The following AOPEP variants were observed in gnomAD, a reference collection of about 807,000 sequenced individuals.
AOPEP encodes aminopeptidase O.
A neutral mutation model predicts 98.1 loss-of-function variants in AOPEP; 77 were observed. The observed-to-expected ratio is 0.78, with a 90% confidence interval of 0.65 to 0.95. AOPEP has a LOEUF of 0.95. Among genes scored for constraint, AOPEP ranks in the 40% least tolerant of loss-of-function variants. The probability of loss-of-function intolerance (pLI) is 0.00; values close to 1 mark genes in which losing one functional copy is unlikely to be tolerated. For synonymous variants in AOPEP, 346 were observed against 365.3 expected (o/e 0.95, Z 0.60); for missense variants, 1,024 against 1,024.7 (o/e 1.00, Z 0.01).
At chr9:94,732,316 T>C (rs12340251) in intron 1 of AOPEP, among the ~76,000 whole-genome samples, 33,025 of 151,764 alleles carry the variant, frequency 0.22, 5,067 homozygotes, top group African/African-American at 0.43. Context: ...TGGGTACTAA[T>C]TCCCATCTCT....
intron 13 of AOPEP, among the ~76,000 whole-genome samples, chr9:95,040,634 C>G (rs2065206742): frequency 6.6e-6 from 1 of 152,232 alleles, no homozygotes; most frequent in Admixed American, 6.5e-5. Context: ...CTATGTCTTT[C>G]TGACCAGGTG....
At chr9:95,115,115 A>AT in the AOPEP span, among the ~76,000 whole-genome samples, 2 of 152,082 alleles carry the variant, frequency 1.3e-5, no homozygotes, top group East Asian at 1.9e-4. Context: ...TATTTTTAAA[A>AT]TTTTTTTGTA....
At chr9:94,908,192 C>T (rs1343661231) in intron 5 of AOPEP, among the ~76,000 whole-genome samples, 1 of 152,202 alleles carries the variant, frequency 6.6e-6, no homozygotes, top group Non-Finnish European at 1.5e-5. Context: ...ACCTCTCCAA[C>T]CACACTAAAT....
At chr9:94,915,273 TATC>T (rs1487899573) in intron 5 of AOPEP, among the ~76,000 whole-genome samples, 1 of 152,206 alleles carries the variant, frequency 6.6e-6, no homozygotes, top group Non-Finnish European at 1.5e-5. Flanking sequence ...ATGTGTTTAG[TATC>T]ATCATTTTAT....
chr9:95,014,401 G>A (rs917375782), intron 13 of AOPEP, among the ~76,000 whole-genome samples: 1 of 152,134 alleles, frequency 6.6e-6, no homozygotes, highest in Admixed American at 6.5e-5. Flanking sequence ...GAGCCTGGGA[G>A]GCGAATGTTG....
intron 3 of AOPEP, among the ~76,000 whole-genome samples, chr9:94,781,079 G>A (rs1333136942): frequency 6.6e-6 from 1 of 151,994 alleles, no homozygotes; most frequent in Non-Finnish European, 1.5e-5. Context: ...TATTAGCTGA[G>A]CAGTTGTTAT....
chr9:94,892,266 T>C (rs1324174984), intron 5 of AOPEP, among the ~76,000 whole-genome samples: 1 of 152,218 alleles, frequency 6.6e-6, no homozygotes, highest in Non-Finnish European at 1.5e-5. Flanking sequence ...CCCTTCCTCC[T>C]CTCTTTCTGA....
At chr9:94,931,521 C>T (rs1401271806) in intron 7 of AOPEP, among the ~76,000 whole-genome samples, 1 of 152,094 alleles carries the variant, frequency 6.6e-6, no homozygotes. Flanking sequence ...CACAGAGAAC[C>T]TGGAAGTTAT....
intron 7 of AOPEP, among the ~76,000 whole-genome samples, chr9:94,952,112 G>A: frequency 6.6e-6 from 1 of 152,166 alleles, no homozygotes. Flanking sequence ...CTCTCACACT[G>A]TCATTTTAAA....
intron 5 of AOPEP, among the ~76,000 whole-genome samples, chr9:94,893,966 G>A (rs2049164339): frequency 6.6e-6 from 1 of 152,028 alleles, no homozygotes; most frequent in African/African-American, 2.4e-5. Context: ...AATGCAGTAA[G>A]GTAATAAAAT....
chr9:95,025,300 G>C (rs1020746716), intron 13 of AOPEP, among the ~76,000 whole-genome samples: 1 of 152,192 alleles, frequency 6.6e-6, no homozygotes, highest in African/African-American at 2.4e-5. Flanking sequence ...CATTACATAT[G>C]CTGGTGTCCC....
intron 5 of AOPEP, among the ~76,000 whole-genome samples, chr9:94,889,291 C>G (rs2048607021): frequency 6.6e-6 from 1 of 152,036 alleles, no homozygotes; most frequent in Non-Finnish European, 1.5e-5. Context: ...CTTTTTCACT[C>G]AGCATAATTT....
intron 5 of AOPEP, among the ~76,000 whole-genome samples, chr9:94,885,383 A>AAAAAAAAAAAAAAAAAAAAAAAAG (rs2048115430): frequency 8.1e-6 from 1 of 122,922 alleles, no homozygotes; most frequent in Non-Finnish European, 1.7e-5. Context: ...AAAAAAAAAA[A>AAAAAAAAAAAAAAAAAAAAAAAAG]AAAAAAAGAC....
intron 13 of AOPEP, among the ~76,000 whole-genome samples, chr9:95,030,758 T>C (rs2064226799): frequency 6.6e-6 from 1 of 152,142 alleles, no homozygotes; most frequent in African/African-American, 2.4e-5. Flanking sequence ...CATCATGACT[T>C]GTGTGTTTAG....
chr9:94,811,838 C>G (rs2767403), intron 5 of AOPEP, among the ~76,000 whole-genome samples: 33,281 of 152,156 alleles, frequency 0.22, 5,125 homozygotes, highest in African/African-American at 0.43. Context: ...AGGTTCATCT[C>G]TCTGAATTTT....
chr9:94,821,747 A>G (rs1166521384), intron 5 of AOPEP, among the ~76,000 whole-genome samples: 1 of 152,212 alleles, frequency 6.6e-6, no homozygotes, highest in Non-Finnish European at 1.5e-5. Context: ...TTATGGTTTC[A>G]TGTTGGCCTA....
intron 2 of AOPEP, among the ~76,000 whole-genome samples, chr9:94,764,634 C>T (rs185536496): frequency 9.9e-5 from 15 of 151,982 alleles, no homozygotes; most frequent in Admixed American, 7.2e-4. Flanking sequence ...GGTGATAGAG[C>T]GTGACTGTGT....
chr9:94,809,546 T>G (rs1021087522), intron 5 of AOPEP, among the ~76,000 whole-genome samples: 2 of 152,224 alleles, frequency 1.3e-5, no homozygotes, highest in Non-Finnish European at 2.9e-5. Flanking sequence ...AGTGAGGACC[T>G]GACCTGCATG....
intron 14 of AOPEP, among the ~76,000 whole-genome samples, chr9:95,062,603 A>C (rs2133945456): frequency 6.6e-6 from 1 of 152,262 alleles, no homozygotes; most frequent in South Asian, 2.1e-4. Context: ...CCACACAGAG[A>C]AGGAAGAAAG....
Sources: gnomAD v4.1 joint callset for allele counts (sites outside exome capture counted in the v4.1 genomes callset) on GRCh38, gnomAD v4.1.1 for gene constraint, MANE v1.5 for transcripts, NCBI Gene and HGNC (gene_info 2026-07-23, HGNC 2026-07-21) for gene names.